The following ITGA11 variants were observed in gnomAD, a reference collection of about 807,000 sequenced individuals.
ITGA11 encodes integrin subunit alpha 11, also known as integrin alpha-11.
A neutral mutation model predicts 141.9 loss-of-function variants in ITGA11; 97 were observed. The ratio of observed to expected loss-of-function variants is 0.68; its 90% CI spans 0.58 to 0.81. ITGA11 has a LOEUF of 0.81. Among genes scored for constraint, ITGA11 ranks in the 30% least tolerant of loss-of-function variants. ITGA11 has a pLI of 0.00. For synonymous variants in ITGA11, 658 were observed against 624.6 expected (o/e 1.05, Z -0.80); for missense variants, 1,387 against 1,559.2 (o/e 0.89, Z 1.86).
rs527312021 is a variant in ITGA11, at chr15:68,328,843, G to A, written c.1902-581C>T. On this transcript the variant is annotated intron_variant, in intron 15 of 29. Transcript: ENST00000315757. This position sits in a 1 kb window ranked among gnomAD's most constrained non-coding sequence, Gnocchi z 4.8. ...TTCCATGGACCACACTTCGAAGAGC[G>A]AGGCGTTAAAGCACCCCAGGTGATT... Among the ~76,000 whole-genome samples, 68 of 152,262 alleles carry A rather than the reference G, an allele frequency of 4.5e-4. No homozygotes were observed. Among genetic ancestry groups the A allele is most frequent in the African/African-American group, 1.4e-3 (60 of 41,518 alleles).
chr15:68,329,314 G>A (rs758367561), intron 15 of ITGA11, among the ~76,000 whole-genome samples: 1 of 152,070 alleles, frequency 6.6e-6, no homozygotes, highest in Non-Finnish European at 1.5e-5. Context: ...AATCACTTGG[G>A]GAGTTTAAAA....
At chr15:68,398,011 C>T (rs1219700240) in intron 2 of ITGA11, among the ~76,000 whole-genome samples, 1 of 150,186 alleles carries the variant, frequency 6.7e-6, no homozygotes, top group African/African-American at 2.4e-5. Context: ...AAGCACTAAA[C>T]ATGGAAAGGA....
At chr15:68,404,335 G>T (rs1896588068) in intron 1 of ITGA11, among the ~76,000 whole-genome samples, 1 of 152,266 alleles carries the variant, frequency 6.6e-6, no homozygotes, top group East Asian at 1.9e-4. Context: ...GGCAGCTGAA[G>T]CGAGCACAGA....
chr15:68,352,482 C>T (rs540988949), intron 7 of ITGA11, among the ~76,000 whole-genome samples: 2 of 152,220 alleles, frequency 1.3e-5, no homozygotes, highest in Admixed American at 6.5e-5. Flanking sequence ...TGTGAGCCAC[C>T]GTGCCGGGCT....
rs560224167 is a variant in ITGA11, at chr15:68,324,885, C to T, written c.2322+246G>A. 1.3e-4 allele frequency among the ~76,000 whole-genome samples: 20 copies of T among 152,170 alleles called. No homozygotes were observed. Among genetic ancestry groups the T allele is most frequent in the East Asian group, 1.9e-4 (1 of 5,156 alleles). ...CCTGTGCTCCCCTGTGCTGGGGATA[C>T]GGGGAAACTTGAACAGGAGAAGGCC... On this transcript the variant is annotated intron_variant, in intron 18 of 29. Transcript: ENST00000315757. The surrounding 1 kb of genome is among the most constrained non-coding windows in gnomAD (Gnocchi z 6.3).
intron 26 of ITGA11, among the ~76,000 whole-genome samples, chr15:68,309,599 T>C (rs1893311371): frequency 6.8e-6 from 1 of 147,710 alleles, no homozygotes. Context: ...CCTTTTTTTT[T>C]TTTTTTTTTT....
chr15:68,367,747 A>C (rs1895470498), intron 3 of ITGA11, among the ~76,000 whole-genome samples: 1 of 152,208 alleles, frequency 6.6e-6, no homozygotes, highest in South Asian at 2.1e-4. Context: ...TTAGACCTGG[A>C]ATGGATCCTA....
chr15:68,431,568 G>T (rs1469009916), intron 1 of ITGA11, among the ~76,000 whole-genome samples: 1 of 152,172 alleles, frequency 6.6e-6, no homozygotes. Flanking sequence ...ACTTTGAGAT[G>T]CTTCCCCGGA....
At chr15:68,378,231 T>C (rs1216916995) in intron 2 of ITGA11, among the ~76,000 whole-genome samples, 1 of 152,028 alleles carries the variant, frequency 6.6e-6, no homozygotes. Flanking sequence ...AGATAGATAA[T>C]ATAGTTCTGC....
At chr15:68,345,137 G>C (rs1894703655) in intron 10 of ITGA11, among the ~76,000 whole-genome samples, 1 of 152,062 alleles carries the variant, frequency 6.6e-6, no homozygotes, top group South Asian at 2.1e-4. Flanking sequence ...TTGACAGGTA[G>C]TTCACTACCT....
rs1892947555 is a variant in ITGA11 at position 68,298,101 on chromosome 15, G to A, written c.*4958C>T. On this transcript the variant is annotated 3_prime_UTR_variant, in exon 30 of 30. Coordinates refer to ENST00000315757, the MANE Select transcript of ITGA11 (RefSeq NM_001004439.2). ...CATTTTTTTCTTTGTTTCAAGTAAT[G>A]TCTGCTGTATATGACAGATCACCAA... The A allele has an allele frequency of 6.6e-6, 1 of 152,152 alleles. No individual in the cohort carries two copies. The highest frequency in any genetic ancestry group is 6.5e-5 in the Admixed American group (1 of 15,276). 9.4% of individuals were successfully genotyped at this position (152,152 alleles called of 1,614,324 possible).
intron 1 of ITGA11, among the ~76,000 whole-genome samples, chr15:68,425,021 A>G (rs1479999937): frequency 6.6e-6 from 1 of 152,182 alleles, no homozygotes; most frequent in African/African-American, 2.4e-5. Flanking sequence ...TGCCTTCTCC[A>G]TGTTTCTTGA....
chr15:68,300,790 C>T lies in ITGA11; in HGVS notation c.*2269G>A, dbSNP rs1306096713. ...AGTCCAGAGGTTGCAATTCAGTGAC[C>T]TCTGGGCTGCATCTGACCAGCAGGT... On this transcript the variant is annotated 3_prime_UTR_variant, in exon 30 of 30. Transcript: ENST00000315757. 1.3e-5 allele frequency: 2 copies of T among 152,090 alleles called. No individual in the cohort carries two copies. Among genetic ancestry groups the T allele is most frequent in the African/African-American group, 4.8e-5 (2 of 41,400 alleles). The allele number at this position is 152,090 out of a possible 1,614,324, so 9.4% of individuals were successfully genotyped here. A position where few individuals can be genotyped will look rare whatever the true frequency, so the allele number is the denominator to read the frequency against.
Position 68,413,056 on chromosome 15 carries a change from G to A in ITGA11, c.53-10027C>T, listed in dbSNP as rs1334090220. ...CCTCCAAACTTTGTTTTTCTACAGC[G>A]AATCTCACATTTTTTGAACAAAATA... On this transcript the variant is annotated intron_variant, in intron 1 of 29. Coordinates refer to ENST00000315757, the MANE Select transcript of ITGA11 (RefSeq NM_001004439.2). 5.3e-5 allele frequency among the ~76,000 whole-genome samples: 8 copies of A among 152,086 alleles called. No individual in the cohort carries two copies. In the East Asian group the frequency reaches 1.3e-3, roughly 26 times the overall value.
chr15:68,358,329 CCTA>C, intron 6 of ITGA11, 126 bp downstream of exon 6: 1 of 985,098 alleles, frequency 1.0e-6, no homozygotes, highest in Non-Finnish European at 1.5e-6. Flanking sequence ...GCTGGCTGGC[CCTA>C]CTACCTCTGC....
intron 7 of ITGA11, among the ~76,000 whole-genome samples, chr15:68,356,627 G>A (rs527449850): frequency 6.6e-6 from 1 of 152,282 alleles, no homozygotes; most frequent in African/African-American, 2.4e-5. Context: ...TGACCTCGCT[G>A]TTCATCCATC....
intron 2 of ITGA11, among the ~76,000 whole-genome samples, chr15:68,396,242 A>C (rs1398213961): frequency 1.5e-5 from 2 of 133,884 alleles, no homozygotes; most frequent in African/African-American, 5.6e-5. Context: ...GTTAAAGAAA[A>C]TATCAATCCA....
At position 68,397,475 on chromosome 15, in the gene ITGA11, ATAT is replaced by A. The variant is rs1489530206; in HGVS notation, c.164+5440_164+5442del. On this transcript the variant is annotated intron_variant, in intron 2 of 29. Transcript: ENST00000315757. ...ATATAAAATTATTAATATTTTAAAA[ATAT>A]TATAAAATATTTTAAAATAAAATAT... Among the ~76,000 whole-genome samples, 72 of 99,694 alleles carry A rather than the reference ATAT, an allele frequency of 7.2e-4. 13 individuals carry two copies. Among genetic ancestry groups the A allele is most frequent in the Admixed American group, 1.9e-3 (11 of 5,922 alleles). The allele number at this position is 99,694 out of a possible 152,430, so 65.4% of individuals were successfully genotyped here.
At chr15:68,373,995 TACTTATA>T (rs1421519739) in intron 2 of ITGA11, among the ~76,000 whole-genome samples, 2 of 152,306 alleles carry the variant, frequency 1.3e-5, no homozygotes, top group African/African-American at 4.8e-5. Flanking sequence ...AGTTTTTAGG[TACTTATA>T]ACTTAAAACA....
Sources: gnomAD v4.1 joint callset for allele counts (sites outside exome capture counted in the v4.1 genomes callset) on GRCh38, gnomAD v4.1.1 for gene constraint, Gnocchi (gnomAD v3.1) non-coding constraint, MANE v1.5 for transcripts, NCBI Gene and HGNC (gene_info 2026-07-23, HGNC 2026-07-21) for gene names.